TPRA1: variants seen among roughly 807,000 people sequenced by gnomAD.
The protein encoded by TPRA1 is transmembrane protein adipocyte-associated 1.
In TPRA1, 28 loss-of-function variants were observed where a neutral mutation model predicts 40.1. The ratio of observed to expected loss-of-function variants is 0.70; its 90% CI spans 0.52 to 0.96. The LOEUF is 0.96. Ranked by LOEUF, TPRA1 falls within the 40% of genes least tolerant of loss-of-function variation. The pLI is 0.00. For synonymous variants in TPRA1, 219 were observed against 209.7 expected (o/e 1.04, Z -0.38); for missense variants, 441 against 482.6 (o/e 0.91, Z 0.81).
chr3:127,579,989 C>CA, intron 2 of TPRA1, 33 bp downstream of exon 2: 2 of 1,612,158 alleles, frequency 1.2e-6, no homozygotes, highest in African/African-American at 2.7e-5. Context: ...CACTGACACT[C>CA]AGCGAGCCTG....
At chr3:127,588,613 G>A (rs2107665285) in intron 1 of TPRA1, among the ~76,000 whole-genome samples, 1 of 152,102 alleles carries the variant, frequency 6.6e-6, no homozygotes, top group South Asian at 2.1e-4. Context: ...TAGAAATGGG[G>A]TTTCACCATG....
At chr3:127,589,581 G>A (rs2074104858) in intron 1 of TPRA1, among the ~76,000 whole-genome samples, 1 of 152,092 alleles carries the variant, frequency 6.6e-6, no homozygotes, top group African/African-American at 2.4e-5. Flanking sequence ...GGGGAGGCCT[G>A]GGCCCAATCT....
chr3:127,581,033 G>A (rs1324567507), intron 1 of TPRA1, among the ~76,000 whole-genome samples: 1 of 152,210 alleles, frequency 6.6e-6, no homozygotes, highest in East Asian at 1.9e-4. Context: ...TGGGGTCCTG[G>A]GAACCACTCT....
At position 127,579,780 on chromosome 3, in the gene TPRA1, CG is replaced by C. The variant is rs1431473093; in HGVS notation, c.217del (p.Arg73AlafsTer30). ...WKLPSARAKI[R>X]ITSSPIFITF... ...GATAAAAATGGGGCTGGAGGTGATG[CG>C]GATCTTCGCCCGAGCAGATGGAAGC... On this transcript the variant is annotated frameshift_variant, in exon 3 of 11. Coordinates refer to ENST00000355552, the MANE Select transcript of TPRA1 (RefSeq NM_001136053.4). LOFTEE classifies it high-confidence loss of function. The C allele has an allele frequency of 6.2e-7, 1 of 1,613,974 alleles. No homozygotes were observed. The highest frequency in any genetic ancestry group is 8.5e-7 in the Non-Finnish European group (1 of 1,180,034).
chr3:127,589,254 C>T (rs563046596), intron 1 of TPRA1, among the ~76,000 whole-genome samples: 1 of 152,254 alleles, frequency 6.6e-6, no homozygotes, highest in East Asian at 1.9e-4. Flanking sequence ...TGGGTAAGGC[C>T]TTCTCTCTCC....
At position 127,572,228 on chromosome 3, in the gene TPRA1, C is replaced by A. The variant is rs75529706; in HGVS notation, c.*1293G>T. Among the ~76,000 whole-genome samples the A allele has an allele frequency of 0.034, 5,245 of 152,168 alleles. 153 individuals are homozygous for A. The highest frequency in any genetic ancestry group is 0.049 in the Non-Finnish European group (3,341 of 67,962). The stretch of plus-strand genomic sequence containing the variant: ...TTGTGCCCTCGGCACCCCATTCCCC[C>A]CTAAAAAAAAAAGGCTGATCGCGGA... On this transcript the variant is annotated 3_prime_UTR_variant, in exon 11 of 11. Coordinates refer to ENST00000355552, the MANE Select transcript of TPRA1 (RefSeq NM_001136053.4).
intron 1 of TPRA1, among the ~76,000 whole-genome samples, chr3:127,587,428 A>T (rs1440358747): frequency 6.6e-6 from 1 of 152,128 alleles, no homozygotes; most frequent in African/African-American, 2.4e-5. Flanking sequence ...TGCCTAGGCC[A>T]GTTTGAGTCT....
At position 127,579,764 on chromosome 3, in the gene TPRA1, G is replaced by C. The variant is rs747975962; in HGVS notation, c.234C>G (p.Pro78=). The change falls in exon 3 of 11, where the codon CCC becomes CCG. Residue 78 remains proline (P), a synonymous_variant. Coordinates refer to ENST00000355552, the MANE Select transcript of TPRA1 (RefSeq NM_001136053.4). The part of the protein sequence containing the change: ...ARAKIRITSS[P]IFITFYILVF... ...CCAGGATGTAGAAGGTGATAAAAAT[G>C]GGGCTGGAGGTGATGCGGATCTTCG... The C allele has an allele frequency of 6.2e-7, 1 of 1,614,142 alleles. No individual in the cohort carries two copies. Among genetic ancestry groups the C allele is most frequent in the South Asian group, 1.1e-5 (1 of 91,082 alleles).
intron 1 of TPRA1, among the ~76,000 whole-genome samples, chr3:127,586,204 C>A (rs1230815425): frequency 6.6e-6 from 1 of 152,188 alleles, no homozygotes; most frequent in Non-Finnish European, 1.5e-5. Context: ...CAGGAGCTTA[C>A]AGCTGGAAGC....
At chr3:127,593,254 G>C (rs1372994298), upstream of TPRA1, among the ~76,000 whole-genome samples, 1 of 152,170 alleles carries the variant, frequency 6.6e-6, no homozygotes, top group Non-Finnish European at 1.5e-5. Flanking sequence ...TGACTCTCAG[G>C]TTCTTCATCA....
At chr3:127,578,303 C>A (rs754995792) in intron 3 of TPRA1, among the ~76,000 whole-genome samples, 1 of 152,244 alleles carries the variant, frequency 6.6e-6, no homozygotes, top group Non-Finnish European at 1.5e-5. Context: ...CTCACATGAA[C>A]ACCATAGCTA....
chr3:127,577,364 G>A (rs1420170468), intron 3 of TPRA1, among the ~76,000 whole-genome samples: 1 of 152,220 alleles, frequency 6.6e-6, no homozygotes, highest in Non-Finnish European at 1.5e-5. Flanking sequence ...GAGTGCGCAT[G>A]GTGGAGCCAG....
chr3:127,575,284 A>G lies in TPRA1; in HGVS notation c.774-19T>C, dbSNP rs371659823. 1.7e-5 allele frequency: 27 copies of G among 1,611,604 alleles called. No individual in the cohort carries two copies. In the African/African-American group the frequency reaches 3.2e-4, roughly 19 times the overall value. On this transcript the variant is annotated intron_variant, in intron 9 of 10. Coordinates refer to ENST00000355552, the MANE Select transcript of TPRA1 (RefSeq NM_001136053.4). ...TACACAGCTGCGGAGAAGGCGGGTCAGCGCGGGGCCTCCTAGCCCCATGCT... is the reference window on the plus strand; with the variant it reads ...TACACAGCTGCGGAGAAGGCGGGTCGGCGCGGGGCCTCCTAGCCCCATGCT...
rs1576376228 is a variant in TPRA1 at position 127,579,831 on chromosome 3, A to G, written c.167T>C (p.Leu56Pro). The change falls in exon 3 of 11, where the codon CTC becomes CCC. Residue 56 changes from leucine to proline, a missense_variant. Coordinates refer to ENST00000355552, the MANE Select transcript of TPRA1 (RefSeq NM_001136053.4). ...WDLLLLIPNV[L>P]FLIFLLWKLP... ...CTTCCAGAGCAGGAAGATGAGGAAGAGCACATTGGGGATGAGCAGCAAGAG... is the reference window on the plus strand; with the variant it reads ...CTTCCAGAGCAGGAAGATGAGGAAGGGCACATTGGGGATGAGCAGCAAGAG... 3.1e-6 allele frequency: 5 copies of G among 1,614,062 alleles called. No individual in the cohort carries two copies. The highest frequency in any genetic ancestry group is 4.2e-6 in the Non-Finnish European group (5 of 1,180,024).
Position 127,575,221 on chromosome 3 carries a change from G to T in TPRA1, c.818C>A (p.Pro273Gln), listed in dbSNP as rs763226964. ...TTFLYFSFFAPLIYVAFLRGF... is the reference protein window; with the variant it reads ...TTFLYFSFFAQLIYVAFLRGF... ...CCGGAGGAAAGCCACGTAGATGAGC[G>T]GAGCGAAGAAGCTGAAGTACAGGAA... The change falls in exon 10 of 11, where the codon CCG becomes CAG. Residue 273 changes from proline (P) to glutamine (Q), a missense_variant. Coordinates refer to ENST00000355552, the MANE Select transcript of TPRA1 (RefSeq NM_001136053.4). The T allele has an allele frequency of 6.2e-7, 1 of 1,614,050 alleles. No individual in the cohort carries two copies. The highest frequency in any genetic ancestry group is 8.5e-7 in the Non-Finnish European group (1 of 1,179,982).
exon 1 of TPRA1, chr3:127,598,203 C>G (rs1375978011): frequency 1.1e-5 from 6 of 570,230 alleles, no homozygotes; most frequent in Non-Finnish European, 1.9e-5. Context: ...TACCTCCGCT[C>G]CAGCTCCCAC....
chr3:127,578,034 TGGTGCCCCAGCA>T (rs1374436183), intron 3 of TPRA1, among the ~76,000 whole-genome samples: 2 of 152,122 alleles, frequency 1.3e-5, no homozygotes, highest in Non-Finnish European at 2.9e-5. Flanking sequence ...GAGATGGAGA[TGGTGCCCCAGCA>T]GCACTGCTGT....
At chr3:127,581,702 C>T (rs2073837541) in intron 1 of TPRA1, among the ~76,000 whole-genome samples, 1 of 150,454 alleles carries the variant, frequency 6.6e-6, no homozygotes, top group Admixed American at 6.6e-5. Flanking sequence ...TGCCTGAGCT[C>T]AGGAGTTCGG....
intron 10 of TPRA1, chr3:127,574,883 T>TG (rs1487261021): frequency 2.2e-6 from 1 of 450,716 alleles, no homozygotes; most frequent in Non-Finnish European, 4.1e-6. Flanking sequence ...CACGTGCATG[T>TG]TTGTGTGCAT....
Sources: allele counts gnomAD v4.1 joint callset (sites outside exome capture counted in the v4.1 genomes callset), GRCh38; gene constraint gnomAD v4.1.1; transcripts MANE v1.5; gene names NCBI Gene and HGNC (gene_info 2026-07-23, HGNC 2026-07-21).